Variants in IFT88 observed in about 807,000 individuals in gnomAD.
The protein encoded by IFT88 is intraflagellar transport protein 88 homolog.
In IFT88, 74 loss-of-function variants were observed where a neutral mutation model predicts 119.5. The ratio of observed to expected loss-of-function variants is 0.62; its 90% CI spans 0.51 to 0.75. IFT88 has a LOEUF of 0.75. IFT88 is among the 30% of genes least tolerant of loss of function. The pLI is 0.00. For synonymous variants in IFT88, 279 were observed against 316.7 expected, an observed-to-expected ratio of 0.88 and a Z score of 1.26; for missense variants, 961 against 977.7, an observed-to-expected ratio of 0.98 and a Z score of 0.23.
chr13:20,639,477 G>C (rs1180036577), intron 17 of IFT88, among the ~76,000 whole-genome samples: 2 of 152,176 alleles, frequency 1.3e-5, no homozygotes, highest in Admixed American at 6.5e-5. Flanking sequence ...AAGGCCTACT[G>C]CCAACCTTGA....
In IFT88 at chr13:20,688,084, C is replaced by T. The variant is rs142482325; in HGVS notation, c.2243-2621C>T. Among the ~76,000 whole-genome samples, 1,497 of 152,258 alleles carry T rather than the reference C, an allele frequency of 9.8e-3. 24 individuals carry two copies. The highest frequency in any genetic ancestry group is 0.034 in the African/African-American group (1,404 of 41,540). On this transcript the variant is annotated intron_variant, in intron 24 of 25. Coordinates refer to ENST00000351808, the MANE Select transcript of IFT88 (RefSeq NM_006531.5). ...GGCACGGTGGCTGAAGCCTGTAATC[C>T]CAGCACTTTGGGAGGCCGAGGCAGG...
At chr13:20,658,301 C>T (rs966315198) in intron 22 of IFT88, among the ~76,000 whole-genome samples, 11 of 151,914 alleles carry the variant, frequency 7.2e-5, no homozygotes, top group Admixed American at 6.6e-4. Flanking sequence ...CTACTAAAAA[C>T]AAAATCACTC....
At chr13:20,634,456 G>A (rs2048698753) in intron 16 of IFT88, among the ~76,000 whole-genome samples, 1 of 152,156 alleles carries the variant, frequency 6.6e-6, no homozygotes, top group Non-Finnish European at 1.5e-5. Context: ...TGTAATCCCA[G>A]CACTTTGGGA....
intron 21 of IFT88, among the ~76,000 whole-genome samples, chr13:20,655,186 C>G (rs2052527376): frequency 6.6e-6 from 1 of 152,134 alleles, no homozygotes; most frequent in African/African-American, 2.4e-5. Context: ...GTAATTCCAG[C>G]ACTTTGGGAG....
At chr13:20,576,503 T>C (rs1313358382) in intron 2 of IFT88, among the ~76,000 whole-genome samples, 2 of 152,238 alleles carry the variant, frequency 1.3e-5, no homozygotes, top group African/African-American at 4.8e-5. Flanking sequence ...GTTTGAGGTC[T>C]TAGATTTCTA....
chr13:20,635,145 C>A (rs928970837), intron 16 of IFT88, among the ~76,000 whole-genome samples: 1 of 152,088 alleles, frequency 6.6e-6, no homozygotes, highest in South Asian at 2.1e-4. Context: ...TTTTTTATGG[C>A]TGCATAGTAT....
At chr13:20,616,113 C>T (rs1327003044) in intron 14 of IFT88, among the ~76,000 whole-genome samples, 1 of 152,118 alleles carries the variant, frequency 6.6e-6, no homozygotes, top group Non-Finnish European at 1.5e-5. Context: ...TTTCAGTCAA[C>T]AATGGACCAC....
chr13:20,663,044 G>A (rs898980189), intron 22 of IFT88, among the ~76,000 whole-genome samples: 5 of 152,164 alleles, frequency 3.3e-5, no homozygotes, highest in Non-Finnish European at 7.3e-5. Context: ...TCTTCCTAGT[G>A]CTTTGCACAG....
At chr13:20,633,620 C>T (rs2048548911) in intron 16 of IFT88, among the ~76,000 whole-genome samples, 1 of 152,158 alleles carries the variant, frequency 6.6e-6, no homozygotes, top group African/African-American at 2.4e-5. Context: ...AGTTTGACGA[C>T]TGTGCAGGAG....
intron 24 of IFT88, among the ~76,000 whole-genome samples, chr13:20,680,814 A>C (rs2057238775): frequency 6.6e-6 from 1 of 152,076 alleles, no homozygotes; most frequent in Non-Finnish European, 1.5e-5. Flanking sequence ...TGGAGAACAC[A>C]AGCATAACCT....
At chr13:20,665,211 G>A (rs1371869897) in intron 23 of IFT88, among the ~76,000 whole-genome samples, 2 of 152,040 alleles carry the variant, frequency 1.3e-5, no homozygotes, top group African/African-American at 4.8e-5. Flanking sequence ...ATATTTGCCA[G>A]TTTTCCCCCA....
chr13:20,631,103 G>A lies in IFT88; in HGVS notation c.1386+1G>A. 1 of 1,583,550 alleles carries A rather than the reference G, an allele frequency of 6.3e-7. No individual in the cohort carries two copies. Among genetic ancestry groups the A allele is most frequent in the Non-Finnish European group, 8.7e-7 (1 of 1,152,104 alleles). ...CAATCTCTCAGCCCTGTATTATATG[G>A]TAAGTTTTTTTACTACTAAGAGTTA... On this transcript the variant is annotated splice_donor_variant, in intron 16 of 25. Coordinates refer to ENST00000351808, the MANE Select transcript of IFT88 (RefSeq NM_006531.5). LOFTEE classifies it high-confidence loss of function.
intron 10 of IFT88, 30 bp downstream of exon 10, chr13:20,598,783 G>T: frequency 7.8e-7 from 1 of 1,284,166 alleles, no homozygotes; most frequent in South Asian, 1.2e-5. Context: ...TTTTCCAATA[G>T]ATGTAATTCT....
chr13:20,690,875 G>A, intron 25 of IFT88, 60 bp downstream of exon 25: 1 of 1,406,650 alleles, frequency 7.1e-7, no homozygotes, highest in Non-Finnish European at 1.0e-6. Context: ...ATGGTGAGAT[G>A]GCCAAAAGGT....
chr13:20,653,991 C>T, intron 21 of IFT88, 63 bp downstream of exon 21: 1 of 868,436 alleles, frequency 1.2e-6, no homozygotes, highest in East Asian at 2.5e-5. Context: ...GGTAATTATG[C>T]ATATAAATGT....
intron 10 of IFT88, among the ~76,000 whole-genome samples, chr13:20,599,180 C>T (rs1042191652): frequency 6.6e-6 from 1 of 151,848 alleles, no homozygotes; most frequent in East Asian, 1.9e-4. Context: ...CTTTAAGTTC[C>T]ATGTTTTCTT....
rs1399178535 is a variant in IFT88 at position 20,664,138 on chromosome 13, T to G, written c.2175+534T>G. On this transcript the variant is annotated intron_variant, in intron 23 of 25. Coordinates refer to ENST00000351808, the MANE Select transcript of IFT88 (RefSeq NM_006531.5). ...ATAAAATATATCAGGCAGTGGATTTTCTTAAATTGTTTTAAAATGGAAAAA... is the reference window on the plus strand; with the variant it reads ...ATAAAATATATCAGGCAGTGGATTTGCTTAAATTGTTTTAAAATGGAAAAA... 2.0e-5 allele frequency among the ~76,000 whole-genome samples: 3 copies of G among 152,234 alleles called. No homozygotes were observed. In the East Asian group the frequency reaches 5.8e-4, roughly 29 times the overall value.
intron 13 of IFT88, among the ~76,000 whole-genome samples, chr13:20,609,189 A>T (rs1428233499): frequency 6.6e-6 from 1 of 152,210 alleles, no homozygotes; most frequent in African/African-American, 2.4e-5. Context: ...CAAAATTCCC[A>T]CTGGTGATGC....
chr13:20,593,294 G>A (rs952672238), intron 7 of IFT88, among the ~76,000 whole-genome samples: 1 of 152,086 alleles, frequency 6.6e-6, no homozygotes, highest in Non-Finnish European at 1.5e-5. Context: ...CTGTGTGCCA[G>A]GCACTTTTCC....
Sources: gnomAD v4.1 joint callset for allele counts (sites outside exome capture counted in the v4.1 genomes callset) on GRCh38, gnomAD v4.1.1 for gene constraint, MANE v1.5 for transcripts, NCBI Gene and HGNC (gene_info 2026-07-23, HGNC 2026-07-21) for gene names.